SRGN: variants seen among roughly 807,000 people sequenced by gnomAD.
SRGN encodes serglycin.
In SRGN, 2 loss-of-function variants were observed where a neutral mutation model predicts 9.5. The ratio of observed to expected loss-of-function variants is 0.21; its 90% confidence interval spans 0.09 to 0.66. SRGN has a LOEUF of 0.66. Among genes scored for constraint, SRGN ranks in the 30% least tolerant of loss-of-function variants. The probability of loss-of-function intolerance (pLI) is 0.83; values close to 1 mark genes in which losing one functional copy is unlikely to be tolerated. For synonymous variants in SRGN, 59 were observed against 72.3 expected, an observed-to-expected ratio of 0.82 and a Z score of 0.93; for missense variants, 170 against 192.4, an observed-to-expected ratio of 0.88 and a Z score of 0.69.
In SRGN at chr10:69,093,916, TCCTAGAGATA is replaced by T. The variant is rs1200777966; in HGVS notation, c.80-3166_80-3157del. Among the ~76,000 whole-genome samples, 3 of 151,978 alleles carry T rather than the reference TCCTAGAGATA, an allele frequency of 2.0e-5. No homozygotes were observed. In the East Asian group the frequency reaches 5.8e-4, roughly 29 times the overall value. On this transcript the variant is annotated intron_variant, in intron 1 of 2. Coordinates refer to ENST00000242465, the MANE Select transcript of SRGN (RefSeq NM_002727.4). ...AGAAAGAAAGTCCATAAATTGAGAC[TCCTAGAGATA>T]CTAAATGGTAGAATGGGAATTTGAA...
rs1298270963 is a variant in SRGN at position 69,104,102 on chromosome 10, A to G, written c.459A>G (p.Glu153=). The change falls in exon 3 of 3, where the codon GAA becomes GAG. Residue 153 remains glutamate (E), a synonymous_variant. Coordinates refer to ENST00000242465, the MANE Select transcript of SRGN (RefSeq NM_002727.4). ...AGGACTTGGGTCAACATGGATTAGA[A>G]GAGGATTTTATGTTATAAAAGAGGA... ...DSQDLGQHGL[E]EDFML 2.9e-5 allele frequency: 47 copies of G among 1,614,072 alleles called. No homozygotes were observed. Among genetic ancestry groups the G allele is most frequent in the Non-Finnish European group, 3.9e-5 (46 of 1,179,932 alleles).
At chr10:69,093,957 A>G (rs1019125252) in intron 1 of SRGN, among the ~76,000 whole-genome samples, 1 of 152,196 alleles carries the variant, frequency 6.6e-6, no homozygotes, top group African/African-American at 2.4e-5. Flanking sequence ...TTGAATTTAA[A>G]TTTATAAGAT....
chr10:69,101,595 C>T (rs1000216656), intron 2 of SRGN, among the ~76,000 whole-genome samples: 1 of 152,088 alleles, frequency 6.6e-6, no homozygotes, highest in Non-Finnish European at 1.5e-5. Context: ...CAGTGGTTGC[C>T]CTTCTCTGCT....
At chr10:69,092,265 C>A (rs1386240556) in intron 1 of SRGN, among the ~76,000 whole-genome samples, 2 of 152,180 alleles carry the variant, frequency 1.3e-5, no homozygotes, top group African/African-American at 2.4e-5. Context: ...CTCACAACCT[C>A]AGGGGCTGGA....
In SRGN at chr10:69,103,960, C is replaced by T. The variant is rs1452471777; in HGVS notation, c.317C>T (p.Ser106Leu). The T allele has an allele frequency of 1.2e-6, 2 of 1,614,194 alleles. No individual in the cohort carries two copies. The highest frequency in any genetic ancestry group is 1.7e-6 in the Non-Finnish European group (2 of 1,180,054). The change falls in exon 3 of 3, where the codon TCA becomes TTA. Residue 106 changes from serine (S) to leucine (L), a missense_variant. Physicochemically the swap from Ser to Leu is moderately radical, Grantham distance 145. Coordinates refer to ENST00000242465, the MANE Select transcript of SRGN (RefSeq NM_002727.4). Reference protein sequence around the residue: ...SGFGSGSGSGSGSGSGFLTEM... With the variant: ...SGFGSGSGSGLGSGSGFLTEM... ...TTCGGCTCCGGCTCCGGCTCTGGAT[C>T]AGGATCTGGGAGTGGCTTCCTAACG...
At chr10:69,100,153 T>C (rs541054626) in intron 2 of SRGN, among the ~76,000 whole-genome samples, 1 of 152,258 alleles carries the variant, frequency 6.6e-6, no homozygotes, top group South Asian at 2.1e-4. Flanking sequence ...GGCAGGCAGA[T>C]TGCTTTGAGA....
At chr10:69,101,892 T>C (rs936123631) in intron 2 of SRGN, among the ~76,000 whole-genome samples, 1 of 151,904 alleles carries the variant, frequency 6.6e-6, no homozygotes, top group African/African-American at 2.4e-5. Flanking sequence ...CTACAAAAAA[T>C]AGAAAAATTA....
chr10:69,101,671 TG>T (rs1840295829), intron 2 of SRGN, among the ~76,000 whole-genome samples: 1 of 152,178 alleles, frequency 6.6e-6, no homozygotes, highest in Non-Finnish European at 1.5e-5. Flanking sequence ...TCACCCCCTC[TG>T]TGGCTGGACT....
intron 1 of SRGN, among the ~76,000 whole-genome samples, chr10:69,094,628 T>C (rs773767260): frequency 6.6e-6 from 1 of 152,176 alleles, no homozygotes; most frequent in East Asian, 1.9e-4. Context: ...ACAGTCTCGC[T>C]GTGTCACCCA....
At chr10:69,093,220 T>C (rs772407897) in intron 1 of SRGN, among the ~76,000 whole-genome samples, 3 of 152,292 alleles carry the variant, frequency 2.0e-5, no homozygotes, top group South Asian at 2.1e-4. Flanking sequence ...TGGGACAGGC[T>C]GTGAATGCAA....
intron 1 of SRGN, among the ~76,000 whole-genome samples, chr10:69,092,114 C>A (rs1840075623): frequency 6.6e-6 from 1 of 151,786 alleles, no homozygotes; most frequent in African/African-American, 2.4e-5. Flanking sequence ...AAATAAAAAC[C>A]ATTCTTTCCC....
Position 69,097,245 on chromosome 10 carries a change from T to C in SRGN, c.227+14T>C. The stretch of plus-strand genomic sequence containing the variant: ...TGACCTTTTTCCGTAAGTGGACTTT[T>C]CTCTAATTAATTAATTAATTACTTA... On this transcript the variant is annotated intron_variant, in intron 2 of 2. Transcript: ENST00000242465. 6.3e-7 allele frequency: 1 copy of C among 1,598,680 alleles called. No individual in the cohort carries two copies. The highest frequency in any genetic ancestry group is 8.6e-7 in the Non-Finnish European group (1 of 1,169,226).
At chr10:69,096,962 C>A in intron 1 of SRGN, 122 bp from the exon 2 acceptor site, 1 of 1,010,538 alleles carries the variant, frequency 9.9e-7, no homozygotes, top group South Asian at 1.8e-5. Flanking sequence ...GTACTGCACT[C>A]CAGCTTGGGC....
chr10:69,091,986 A>G (rs1251937583), intron 1 of SRGN, among the ~76,000 whole-genome samples: 3 of 151,718 alleles, frequency 2.0e-5, no homozygotes, highest in Non-Finnish European at 4.4e-5. Context: ...ACCATAATAT[A>G]AAAAGGTATG....
intron 2 of SRGN, among the ~76,000 whole-genome samples, chr10:69,102,086 G>A (rs1021786132): frequency 6.6e-6 from 1 of 151,876 alleles, no homozygotes; most frequent in Non-Finnish European, 1.5e-5. Flanking sequence ...TCCTTGAAAT[G>A]CTTTTTTCTT....
upstream of SRGN, chr10:69,088,010 G>A (rs1440798048): frequency 6.2e-6 from 4 of 645,578 alleles, no homozygotes; most frequent in Non-Finnish European, 1.1e-5. Context: ...TGATGTGGAT[G>A]TCTTTCTATT....
In SRGN at chr10:69,097,583, C is replaced by T. The variant is rs200986940; in HGVS notation, c.227+352C>T. Among the ~76,000 whole-genome samples the T allele has an allele frequency of 1.8e-4, 27 of 152,162 alleles. No homozygotes were observed. In the East Asian group the frequency reaches 5.0e-3, roughly 28 times the overall value. On this transcript the variant is annotated intron_variant, in intron 2 of 2. Coordinates refer to ENST00000242465, the MANE Select transcript of SRGN (RefSeq NM_002727.4). ...CTGGGACTACAGGCACCCGCCACCA[C>T]GCCCGGCTAATTTTTTTGTATTTTT...
chr10:69,091,019 T>A (rs139386884), intron 1 of SRGN, among the ~76,000 whole-genome samples: 8 of 152,202 alleles, frequency 5.3e-5, no homozygotes, highest in African/African-American at 1.9e-4. Flanking sequence ...CTCACAGGAA[T>A]GATACTGATC....
At chr10:69,092,072 G>T (rs1840075020) in intron 1 of SRGN, among the ~76,000 whole-genome samples, 1 of 151,824 alleles carries the variant, frequency 6.6e-6, no homozygotes, top group Admixed American at 6.6e-5. Flanking sequence ...ACTCAGGGTG[G>T]TGGGGGAGGT....
Sources: allele counts gnomAD v4.1 joint callset (sites outside exome capture counted in the v4.1 genomes callset), GRCh38; gene constraint gnomAD v4.1.1; transcripts MANE v1.5; gene names NCBI Gene and HGNC (gene_info 2026-07-23, HGNC 2026-07-21).